The following EDA variants were observed in gnomAD, a reference collection of about 807,000 sequenced individuals.
The protein encoded by EDA is ectodysplasin A, also known as ectodysplasin-A.
In EDA, 2 loss-of-function variants were observed where a neutral mutation model predicts 23.6. The observed-to-expected ratio is 0.08, with a 90% CI of 0.03 to 0.27. The LOEUF is 0.27. Among genes scored for constraint, EDA ranks in the 10% least tolerant of loss-of-function variants. EDA has a pLI of 1.00. For missense variants in EDA, 229 were observed against 324.2 expected, an observed-to-expected ratio of 0.71 and a Z score of 2.26; for synonymous variants, 131 against 132.0, an observed-to-expected ratio of 0.99 and a Z score of 0.05.
chrX:69,829,141 G>A (rs960990934), intron 1 of EDA, among the ~76,000 whole-genome samples: 4 of 112,041 alleles, frequency 3.6e-5, no homozygotes, highest in Non-Finnish European at 3.8e-5. Context: ...TCACTTAGAC[G>A]TAAGCCCCAT....
chrX:69,993,376 C>T (rs755170998), intron 2 of EDA, among the ~76,000 whole-genome samples: 5 of 111,102 alleles, frequency 4.5e-5, no homozygotes, highest in African/African-American at 1.6e-4. Flanking sequence ...GATTAAGTAC[C>T]TGTTAACATT....
chrX:69,629,526 T>G (rs1932496233), intron 1 of EDA, among the ~76,000 whole-genome samples: 1 of 112,133 alleles, frequency 8.9e-6, no homozygotes, highest in Non-Finnish European at 1.9e-5. Context: ...CTTAAGGTAT[T>G]GAAACATTCC....
At chrX:69,783,050 A>G (rs1475551238) in intron 1 of EDA, among the ~76,000 whole-genome samples, 1 of 111,850 alleles carries the variant, frequency 8.9e-6, no homozygotes, top group African/African-American at 3.2e-5. Flanking sequence ...AAGTGTAAGT[A>G]TATCTGTAGG....
intron 2 of EDA, among the ~76,000 whole-genome samples, chrX:69,958,684 C>CA (rs1253515210): frequency 9.0e-6 from 1 of 111,326 alleles, no homozygotes; most frequent in Non-Finnish European, 1.9e-5. Context: ...AAATGCAGTC[C>CA]ATGTAGTAAA....
At chrX:69,867,110 G>A (rs1464452703) in intron 1 of EDA, among the ~76,000 whole-genome samples, 2 of 111,902 alleles carry the variant, frequency 1.8e-5, no homozygotes, top group African/African-American at 6.5e-5. Flanking sequence ...GTTGGTCTCT[G>A]CTGCTGTTAA....
At chrX:69,742,937 A>G (rs1455125746) in intron 1 of EDA, 1 of 111,075 alleles carries the variant, frequency 9.0e-6, no homozygotes, top group Non-Finnish European at 1.9e-5. Flanking sequence ...GGTCCCTTCT[A>G]CTACATCCTG....
chrX:69,925,911 T>G (rs1343617431), intron 1 of EDA, among the ~76,000 whole-genome samples: 4 of 109,984 alleles, frequency 3.6e-5, no homozygotes, highest in Non-Finnish European at 7.6e-5. Flanking sequence ...GTCCAGGAAT[T>G]TATCCATTTC....
At chrX:69,752,164 A>T (rs2147392603) in intron 1 of EDA, among the ~76,000 whole-genome samples, 1 of 111,299 alleles carries the variant, frequency 9.0e-6, no homozygotes, top group South Asian at 3.9e-4. Context: ...CAGTTTTCAA[A>T]GGGAATGCTT....
intron 1 of EDA, among the ~76,000 whole-genome samples, chrX:69,871,867 C>A (rs887610129): frequency 8.9e-6 from 1 of 112,047 alleles, no homozygotes; most frequent in Non-Finnish European, 1.9e-5. Flanking sequence ...TGCTAGAGAG[C>A]TAGACATCCA....
rs781044494 is a variant in EDA, at chrX:69,766,803, T to C, written c.396+150099T>C. 8.0e-4 allele frequency among the ~76,000 whole-genome samples: 90 copies of C among 112,623 alleles called. 1 individual carries two copies. Among genetic ancestry groups the C allele is most frequent in the Non-Finnish European group, 1.1e-3 (57 of 53,341 alleles). ...AATGATTTATATTCCTTTGGGTATATACCCAGTAATGGGACTACTGGATCG... is the reference window on the plus strand; with the variant it reads ...AATGATTTATATTCCTTTGGGTATACACCCAGTAATGGGACTACTGGATCG... On this transcript the variant is annotated intron_variant, in intron 1 of 7. Transcript: ENST00000374552.
chrX:70,016,250 A>G (rs989440157), intron 2 of EDA, among the ~76,000 whole-genome samples: 9 of 111,200 alleles, frequency 8.1e-5, no homozygotes, highest in Non-Finnish European at 1.5e-4. Context: ...AGAGACCTAC[A>G]GAGAGACTTA....
chrX:69,733,822 C>G (rs2013144550), intron 1 of EDA, among the ~76,000 whole-genome samples: 1 of 110,949 alleles, frequency 9.0e-6, no homozygotes, highest in Non-Finnish European at 1.9e-5. Flanking sequence ...CTTCACATCC[C>G]TTGTAAGTTG....
At chrX:69,742,551 T>C (rs2013491760) in intron 1 of EDA, among the ~76,000 whole-genome samples, 1 of 112,313 alleles carries the variant, frequency 8.9e-6, no homozygotes, top group African/African-American at 3.2e-5. Flanking sequence ...TTAGCAGTTG[T>C]TGCTTTTTTA....
At chrX:69,719,199 TAG>T (rs2012470857) in intron 1 of EDA, among the ~76,000 whole-genome samples, 1 of 105,386 alleles carries the variant, frequency 9.5e-6, no homozygotes, top group African/African-American at 3.4e-5. Context: ...TCAGTGTTGT[TAG>T]AGTTTTGTCA....
At chrX:69,944,619 G>A (rs2018808752) in intron 1 of EDA, among the ~76,000 whole-genome samples, 1 of 111,344 alleles carries the variant, frequency 9.0e-6, no homozygotes, top group African/African-American at 3.3e-5. Context: ...TCCTGGAGCT[G>A]TAAGCTGCAC....
At chrX:69,955,125 T>C (rs956377455) in intron 1 of EDA, among the ~76,000 whole-genome samples, 1 of 112,191 alleles carries the variant, frequency 8.9e-6, no homozygotes, top group Non-Finnish European at 1.9e-5. Flanking sequence ...AAACAGCAGT[T>C]TAGTTTTATA....
At chrX:69,874,334 G>T (rs1569361615) in intron 1 of EDA, among the ~76,000 whole-genome samples, 2 of 109,536 alleles carry the variant, frequency 1.8e-5, no homozygotes, top group Admixed American at 1.9e-4. Context: ...AAAAGGAAAA[G>T]AAAAAAAAGT....
intron 2 of EDA, among the ~76,000 whole-genome samples, chrX:70,019,876 A>C (rs1391872950): frequency 5.4e-5 from 6 of 111,749 alleles, no homozygotes; most frequent in Admixed American, 3.8e-4. Flanking sequence ...CAACCTGCAC[A>C]TGTACCCCAG....
intron 1 of EDA, among the ~76,000 whole-genome samples, chrX:69,682,523 G>A (rs903308299): frequency 7.1e-5 from 8 of 112,212 alleles, no homozygotes; most frequent in Non-Finnish European, 1.5e-4. Flanking sequence ...TAATCTCCTC[G>A]TGCGCCGTTT....
Sources: gnomAD v4.1 joint callset for allele counts (sites outside exome capture counted in the v4.1 genomes callset) on GRCh38, gnomAD v4.1.1 for gene constraint, MANE v1.5 for transcripts, NCBI Gene and HGNC (gene_info 2026-07-23, HGNC 2026-07-21) for gene names.